KCNC4: variants seen among roughly 807,000 people sequenced by gnomAD.
KCNC4 encodes potassium voltage-gated channel subfamily C member 4.
KCNC4 carries 23 observed loss-of-function variants against 42.8 expected under a neutral mutation model. That is an observed-to-expected ratio of 0.54 (90% CI 0.39 to 0.76). The LOEUF is 0.76. KCNC4 is among the 30% of genes least tolerant of loss of function. KCNC4 has a pLI of 0.00. For synonymous variants in KCNC4, 422 were observed against 393.5 expected (o/e 1.07, Z -0.86); for missense variants, 751 against 898.2 (o/e 0.84, Z 2.10).
chr1:110,277,615 T>G (rs1042096527), intron 1 of KCNC4, among the ~76,000 whole-genome samples: 1 of 152,184 alleles, frequency 6.6e-6, no homozygotes, highest in Admixed American at 6.5e-5. Context: ...CTCCAAAACC[T>G]GGTACACGCT....
chr1:110,217,321 T>C (rs535365716), intron 1 of KCNC4, among the ~76,000 whole-genome samples: 1 of 152,166 alleles, frequency 6.6e-6, no homozygotes, highest in African/African-American at 2.4e-5. Context: ...GAACTAGAAG[T>C]TGAATTGGGT....
intron 1 of KCNC4, chr1:110,219,707 C>G (rs1013305278): frequency 6.6e-6 from 1 of 152,246 alleles, no homozygotes; most frequent in South Asian, 2.1e-4. Context: ...GCTAGGAAGC[C>G]CTAGTCAAGG....
At chr1:110,283,602 A>G (rs969527291), downstream of KCNC4, among the ~76,000 whole-genome samples, 11 of 152,266 alleles carry the variant, frequency 7.2e-5, no homozygotes, top group Middle Eastern at 3.4e-3. Context: ...CAGTTGCCCT[A>G]GGCTTCCTTC....
downstream of KCNC4, chr1:110,238,347 C>T (rs1658953926): frequency 6.6e-6 from 1 of 152,242 alleles, no homozygotes; most frequent in Admixed American, 6.5e-5. Context: ...AATGAGCAAC[C>T]TCTGGTTGCT....
At chr1:110,281,937 G>C (rs1333136814) in intron 1 of KCNC4, among the ~76,000 whole-genome samples, 2 of 152,178 alleles carry the variant, frequency 1.3e-5, no homozygotes, top group East Asian at 3.8e-4. Context: ...CAATGTGTGA[G>C]CCGGGGCCTT....
chr1:110,256,191 C>T (rs1334483741), intron 1 of KCNC4, among the ~76,000 whole-genome samples: 3 of 152,128 alleles, frequency 2.0e-5, no homozygotes, highest in South Asian at 2.1e-4. Flanking sequence ...CTCCTGCATT[C>T]GACAAACATT....
intron 1 of KCNC4, among the ~76,000 whole-genome samples, chr1:110,255,335 C>T (rs975147961): frequency 1.1e-4 from 16 of 152,186 alleles, no homozygotes; most frequent in African/African-American, 3.1e-4. Context: ...TTCACTTCAC[C>T]GTCTTCTCTC....
intron 1 of KCNC4, among the ~76,000 whole-genome samples, chr1:110,264,292 G>A (rs1358007004): frequency 6.6e-6 from 1 of 152,214 alleles, no homozygotes; most frequent in Non-Finnish European, 1.5e-5. Context: ...ACATCTCAAA[G>A]TGGAGGAGAG....
chr1:110,274,491 T>G (rs1659684901), intron 1 of KCNC4, among the ~76,000 whole-genome samples: 1 of 152,220 alleles, frequency 6.6e-6, no homozygotes, highest in Non-Finnish European at 1.5e-5. Flanking sequence ...TTGTCATTTT[T>G]CACAGAATTA....
At chr1:110,242,254 C>CGGGG (rs5777007) in exon 4 of KCNC4, 1 of 151,774 alleles carries the variant, frequency 6.6e-6, no homozygotes, top group African/African-American at 2.4e-5. Context: ...CTTGGAACAG[C>CGGGG]GGGGGGGGCT....
chr1:110,281,553 AAAACACACACACAC>A (rs1319782900), intron 1 of KCNC4, among the ~76,000 whole-genome samples: 3 of 117,708 alleles, frequency 2.5e-5, no homozygotes, highest in South Asian at 5.3e-4. Context: ...CACATATGTA[AAAACACACACACAC>A]ACACACACAC....
At chr1:110,268,691 T>C (rs912830022) in intron 1 of KCNC4, among the ~76,000 whole-genome samples, 1 of 149,544 alleles carries the variant, frequency 6.7e-6, no homozygotes, top group Admixed American at 6.7e-5. Flanking sequence ...GCTTGAGAAG[T>C]TTCTCCCGTT....
chr1:110,226,265 C>T (rs778670093), intron 3 of KCNC4, 87 bp downstream of exon 3: 2 of 1,145,702 alleles, frequency 1.7e-6, no homozygotes, highest in Admixed American at 1.8e-5. Flanking sequence ...GTCCCCCCCT[C>T]CCCTGAGACC....
intron 1 of KCNC4, among the ~76,000 whole-genome samples, chr1:110,263,914 C>T (rs925495938): frequency 6.6e-6 from 1 of 152,158 alleles, no homozygotes; most frequent in African/African-American, 2.4e-5. Context: ...GGGTACAAAG[C>T]TCCCCCATTC....
chr1:110,211,596 G>T lies in KCNC4; in HGVS notation c.97G>T (p.Glu33Ter). The T allele has an allele frequency of 6.2e-7, 1 of 1,614,080 alleles. No individual in the cohort carries two copies. Among genetic ancestry groups the T allele is most frequent in the Non-Finnish European group, 8.5e-7 (1 of 1,179,976 alleles). Residue 33 changes from glutamate (E) to a stop codon, truncating the protein, a stop_gained, in exon 1 of 4, where the codon GAG (glutamate) becomes TAG (stop). Coordinates refer to ENST00000438661, the MANE Select transcript of KCNC4 (RefSeq NM_001039574.3). LOFTEE classifies it high-confidence loss of function. The surrounding 1 kb of genome is among the most constrained non-coding windows in gnomAD (Gnocchi z 6.5). ...TCLKEEMAKG[E>*]ASEKIIINVG... ...TCTGAAGGAGGAGATGGCCAAGGGC[G>T]AGGCGTCGGAGAAGATCATCATCAA...
intron 1 of KCNC4, among the ~76,000 whole-genome samples, chr1:110,271,679 G>C (rs1659638215): frequency 6.6e-6 from 1 of 151,956 alleles, no homozygotes; most frequent in African/African-American, 2.4e-5. Context: ...TGGGCTAGCT[G>C]CCTCTGGAAA....
At chr1:110,236,438 T>C (rs1214220921), downstream of KCNC4, 1 of 152,174 alleles carries the variant, frequency 6.6e-6, no homozygotes, top group African/African-American at 2.4e-5. Context: ...AGTTTGTGCT[T>C]TTAGTGTTAT....
chr1:110,270,301 C>A (rs1159911678), intron 1 of KCNC4, among the ~76,000 whole-genome samples: 1 of 152,132 alleles, frequency 6.6e-6, no homozygotes, highest in Non-Finnish European at 1.5e-5. Context: ...GCAGAGAGGA[C>A]CTTCCCCTCC....
chr1:110,220,927 T>C (rs536761931), intron 1 of KCNC4: 14 of 152,192 alleles, frequency 9.2e-5, no homozygotes, highest in Non-Finnish European at 1.9e-4. Flanking sequence ...TGTCGTAAAA[T>C]TGGGAAAGTG....
Sources: allele counts gnomAD v4.1 joint callset (sites outside exome capture counted in the v4.1 genomes callset), GRCh38; gene constraint gnomAD v4.1.1; non-coding constraint Gnocchi (gnomAD v3.1); transcripts MANE v1.5; gene names NCBI Gene and HGNC (gene_info 2026-07-23, HGNC 2026-07-21).